The following WDFY4 variants were observed in gnomAD, a reference collection of about 807,000 sequenced individuals.
WDFY4 encodes WD repeat- and FYVE domain-containing protein 4.
A neutral mutation model predicts 351.9 loss-of-function variants in WDFY4; 169 were observed. The observed-to-expected ratio is 0.48, with a 90% CI of 0.42 to 0.55. The LOEUF (loss-of-function observed/expected upper bound fraction) is 0.55, where lower values mean the gene tolerates loss of function less well. Among genes scored for constraint, WDFY4 ranks in the 20% least tolerant of loss-of-function variants. The pLI is 0.00. For synonymous variants in WDFY4, 1,622 were observed against 1,574.6 expected (o/e 1.03, Z -0.71); for missense variants, 3,803 against 3,935.6 (o/e 0.97, Z 0.90).
chr10:48,804,753 T>C (rs2067196846), intron 25 of WDFY4: 2 of 980,822 alleles, frequency 2.0e-6, no homozygotes, highest in Non-Finnish European at 2.4e-6. Context: ...TTACTGGAAA[T>C]TGGATTTGTG....
intron 39 of WDFY4, among the ~76,000 whole-genome samples, chr10:48,867,016 A>G (rs190783309): frequency 2.6e-5 from 4 of 151,996 alleles, no homozygotes; most frequent in Admixed American, 6.5e-5. Flanking sequence ...CTAAAAATAC[A>G]AAAATTAGCC....
intron 44 of WDFY4, among the ~76,000 whole-genome samples, chr10:48,895,259 T>C (rs12254094): frequency 6.6e-6 from 1 of 152,190 alleles, no homozygotes; most frequent in Non-Finnish European, 1.5e-5. Context: ...TGTGACTGCT[T>C]GGCCTCTCTC....
chr10:48,705,708 G>A (rs374321811), intron 1 of WDFY4, among the ~76,000 whole-genome samples: 4 of 152,202 alleles, frequency 2.6e-5, no homozygotes, highest in Admixed American at 6.5e-5. Context: ...AATCTTTGCC[G>A]ATTCAAGTGA....
At chr10:48,696,020 G>T (rs1417435799) in intron 1 of WDFY4, among the ~76,000 whole-genome samples, 1 of 152,196 alleles carries the variant, frequency 6.6e-6, no homozygotes, top group East Asian at 1.9e-4. Flanking sequence ...GACCTGCCTA[G>T]TTCCTTCCAA....
rs995712203 is a variant in WDFY4, at chr10:48,723,521, A to G, written c.545A>G (p.Asp182Gly). ...TTCTTTGTCTTTCCTCTGGACAAAG[A>G]TGAGCTTCTTGAGAGTGATCTTCAA... ...YLFFVFPLDK[D>G]ELLESDLQVQ... is the part of the protein sequence containing the mutation. Residue 182 changes from aspartate to glycine, a missense_variant, in exon 5 of 62, where the codon GAT becomes GGT. By Grantham distance (94) the Asp-to-Gly change is moderately conservative. This residue lies in a region of WDFY4 where 488 missense variants were observed against 456.8 expected (regional missense o/e 1.07). Transcript: ENST00000325239. The G allele has an allele frequency of 1.3e-6, 2 of 1,551,684 alleles. No individual in the cohort carries two copies. Among genetic ancestry groups the G allele is most frequent in the African/African-American group, 1.4e-5 (1 of 73,020 alleles).
At chr10:48,900,084 G>A in intron 45 of WDFY4, 137 bp from the exon 46 acceptor site, 1 of 670,828 alleles carries the variant, frequency 1.5e-6, no homozygotes, top group South Asian at 2.0e-5. Context: ...TTCCTACCAT[G>A]GGAACTCAAA....
chr10:48,963,913 G>A lies in WDFY4; in HGVS notation c.8295G>A (p.Gln2765=), dbSNP rs1272332348. The A allele has an allele frequency of 1.3e-6, 2 of 1,551,592 alleles. No individual in the cohort carries two copies. The highest frequency in any genetic ancestry group is 2.0e-5 in the Admixed American group (1 of 51,006). The change falls in exon 54 of 62, where the codon CAG becomes CAA. Residue 2765 remains glutamine (Q), a synonymous_variant. Coordinates refer to ENST00000325239, the MANE Select transcript of WDFY4 (RefSeq NM_001394531.1). ...ACCTTATTTTTGGGTACAAGCAGCA[G>A]GGGCCAGCCGCAGTGGATGCTGTTA... ...WIDLIFGYKQ[Q]GPAAVDAVNI... is the part of the protein sequence containing the mutation.
Position 48,903,487 on chromosome 10 carries a change from G to A in WDFY4, c.7586+1624G>A, listed in dbSNP as rs1348015895. Among the ~76,000 whole-genome samples, 3 of 152,212 alleles carry A rather than the reference G, an allele frequency of 2.0e-5. No homozygotes were observed. The East Asian group carries it at 5.8e-4, about 29-fold the overall frequency. ...TGATGGTGGCTTGGATCAGGAACATGAAAGCAAAGATAATATGATGTGATC... is the reference window on the plus strand; with the variant it reads ...TGATGGTGGCTTGGATCAGGAACATAAAAGCAAAGATAATATGATGTGATC... On this transcript the variant is annotated intron_variant, in intron 47 of 61. Coordinates refer to ENST00000325239, the MANE Select transcript of WDFY4 (RefSeq NM_001394531.1).
At chr10:48,754,881 G>C (rs1475579442) in intron 12 of WDFY4, among the ~76,000 whole-genome samples, 1 of 152,170 alleles carries the variant, frequency 6.6e-6, no homozygotes, top group Admixed American at 6.5e-5. Flanking sequence ...CATGGGCAGG[G>C]TGTTGGAAAA....
intron 59 of WDFY4, 88 bp from the exon 60 acceptor site, chr10:48,978,221 C>T: frequency 7.4e-7 from 1 of 1,359,664 alleles, no homozygotes; most frequent in South Asian, 1.4e-5. Context: ...CCTGGGGGAC[C>T]CCTAGGCGTG....
intron 1 of WDFY4, among the ~76,000 whole-genome samples, chr10:48,703,679 A>G (rs2063543006): frequency 6.6e-6 from 1 of 152,112 alleles, no homozygotes; most frequent in Admixed American, 6.6e-5. Context: ...TCACATTCTG[A>G]GACTCCCAAC....
intron 43 of WDFY4, among the ~76,000 whole-genome samples, chr10:48,887,723 G>C (rs1051628105): frequency 6.6e-6 from 1 of 151,348 alleles, no homozygotes. Flanking sequence ...AGCTTGCAGT[G>C]AGTGGAGATC....
In WDFY4 at chr10:48,879,356, G is replaced by A. The variant is rs2070155479; in HGVS notation, c.7167+2157G>A. On this transcript the variant is annotated intron_variant, in intron 43 of 61. Coordinates refer to ENST00000325239, the MANE Select transcript of WDFY4 (RefSeq NM_001394531.1). ...CACCCTACGTTGTCTATGGTGGCAA[G>A]TCTGAGAACTGTGTCAGAAAGGATC... 2.6e-5 allele frequency among the ~76,000 whole-genome samples: 4 copies of A among 152,214 alleles called. No homozygotes were observed. The South Asian group carries it at 8.3e-4, about 32-fold the overall frequency.
rs1003575525 is a variant in WDFY4 at position 48,826,779 on chromosome 10, G to A, written c.6091G>A (p.Glu2031Lys). The change falls in exon 36 of 62, where the codon GAA becomes AAA. Residue 2031 changes from glutamate to lysine, a missense_variant. Physicochemically the swap from Glu to Lys is moderately conservative, Grantham distance 56. This residue lies in a region of WDFY4 where 3,054 missense variants were observed against 3,148.6 expected (regional missense o/e 0.97). Coordinates refer to ENST00000325239, the MANE Select transcript of WDFY4 (RefSeq NM_001394531.1). ...CLSKPQQSLS[E>K]CLGLLSILGF... ...ATCCAAGCCCCAGCAGTCCCTCTCC[G>A]AATGCCTCGGCCTTCTCAGCATCCT... The A allele has an allele frequency of 1.6e-5, 25 of 1,551,792 alleles. No homozygotes were observed. Among genetic ancestry groups the A allele is most frequent in the Middle Eastern group, 1.7e-4 (1 of 6,014 alleles).
At chr10:48,847,308 CCT>C (rs1190343824) in intron 39 of WDFY4, among the ~76,000 whole-genome samples, 4 of 152,154 alleles carry the variant, frequency 2.6e-5, no homozygotes, top group African/African-American at 7.2e-5. Flanking sequence ...AACTTTATCA[CCT>C]CTTTAAAGGC....
At chr10:48,770,068 C>T (rs2620888) in intron 13 of WDFY4, among the ~76,000 whole-genome samples, 57,418 of 152,108 alleles carry the variant, frequency 0.38, 12,784 homozygotes, top group Non-Finnish European at 0.5. Context: ...GCTATCTTCA[C>T]TAAAACCCCA....
intron 39 of WDFY4, among the ~76,000 whole-genome samples, chr10:48,857,348 T>C (rs959395391): frequency 6.6e-6 from 1 of 151,402 alleles, no homozygotes; most frequent in African/African-American, 2.4e-5. Flanking sequence ...GCTTTTTTTT[T>C]CCTCCTATAA....
chr10:48,946,743 C>T (rs1841061840), intron 50 of WDFY4, 117 bp from the exon 51 acceptor site: 3 of 774,062 alleles, frequency 3.9e-6, no homozygotes, highest in Non-Finnish European at 6.4e-6. Context: ...TGTTCACTTC[C>T]TAAACGTCAA....
At chr10:48,761,364 G>A (rs1029484701) in intron 13 of WDFY4, among the ~76,000 whole-genome samples, 3 of 152,220 alleles carry the variant, frequency 2.0e-5, no homozygotes, top group African/African-American at 4.8e-5. Context: ...TGGCTGCTTG[G>A]TGGAGAATGG....
Sources: allele counts gnomAD v4.1 joint callset (sites outside exome capture counted in the v4.1 genomes callset), GRCh38; gene constraint gnomAD v4.1.1; regional missense constraint gnomAD v4.1.1; transcripts MANE v1.5; gene names NCBI Gene and HGNC (gene_info 2026-07-23, HGNC 2026-07-21).